GPHN: variants seen among roughly 807,000 people sequenced by gnomAD.
GPHN encodes the protein gephyrin.
A neutral mutation model predicts 95.5 loss-of-function variants in GPHN; 17 were observed. The ratio of observed to expected loss-of-function variants is 0.18; its 90% CI spans 0.12 to 0.27. GPHN has a LOEUF of 0.27. Among genes scored for constraint, GPHN ranks in the 10% least tolerant of loss-of-function variants. GPHN has a pLI of 1.00. For synonymous variants in GPHN, 320 were observed against 322.5 expected (o/e 0.99, Z 0.08); for missense variants, 660 against 978.1 (o/e 0.67, Z 4.34).
chr14:67,592,814 C>A, the GPHN span: 103 of 807,386 alleles, frequency 1.3e-4, no homozygotes, highest in African/African-American at 1.7e-3. Context: ...GAGACAGAGT[C>A]TCTCTCTGTT....
chr14:66,773,270 A>G (rs2059249560), intron 2 of GPHN, among the ~76,000 whole-genome samples: 1 of 152,194 alleles, frequency 6.6e-6, no homozygotes, highest in African/African-American at 2.4e-5. Flanking sequence ...AGTACCAGAA[A>G]TATTAGACAC....
intron 4 of GPHN, among the ~76,000 whole-genome samples, chr14:66,867,882 T>C (rs1439498960): frequency 6.6e-6 from 1 of 152,120 alleles, no homozygotes; most frequent in Non-Finnish European, 1.5e-5. Context: ...AAGTATGGTC[T>C]TCTGACCAGC....
chr14:66,725,043 T>C (rs941298188), intron 2 of GPHN, among the ~76,000 whole-genome samples: 1 of 152,166 alleles, frequency 6.6e-6, no homozygotes, highest in African/African-American at 2.4e-5. Context: ...TGGCTCTTCT[T>C]ATAGGGCCAC....
chr14:67,586,371 C>T, the GPHN span: 2 of 1,388,726 alleles, frequency 1.4e-6, no homozygotes, highest in Non-Finnish European at 1.9e-6. Context: ...TCTCAAGCCC[C>T]AGCATCATGC....
intron 2 of GPHN, among the ~76,000 whole-genome samples, chr14:66,730,938 G>A (rs1198080010): frequency 6.6e-6 from 1 of 152,148 alleles, no homozygotes; most frequent in African/African-American, 2.4e-5. Flanking sequence ...GTCAAGGGAT[G>A]GAGGTGATTG....
At chr14:66,971,938 A>C (rs544105790) in intron 9 of GPHN, among the ~76,000 whole-genome samples, 8 of 152,328 alleles carry the variant, frequency 5.3e-5, no homozygotes, top group African/African-American at 1.9e-4. Flanking sequence ...TCATAGTGGC[A>C]CATAGACATT....
chr14:66,683,300 C>A (rs1252034645), intron 2 of GPHN, among the ~76,000 whole-genome samples: 27 of 42,054 alleles, frequency 6.4e-4, no homozygotes, highest in Non-Finnish European at 1.3e-3. Context: ...TAGGTAAAAT[C>A]TTTTAGAGAA....
intron 1 of GPHN, among the ~76,000 whole-genome samples, chr14:66,543,169 C>A (rs2059414972): frequency 6.6e-6 from 1 of 151,976 alleles, no homozygotes; most frequent in East Asian, 1.9e-4. Context: ...ATCCAATCAC[C>A]CCCTACCAGG....
the GPHN span, chr14:67,642,216 G>A: frequency 1.9e-6 from 3 of 1,614,044 alleles, no homozygotes; most frequent in Non-Finnish European, 2.5e-6. Flanking sequence ...GGAGATTTGA[G>A]TTTTACTCCA....
the GPHN span, among the ~76,000 whole-genome samples, chr14:67,712,493 C>CAAAAAAAA: frequency 2.5e-3 from 97 of 38,894 alleles, no homozygotes; most frequent in East Asian, 8.2e-3. Flanking sequence ...AAAAAACTTG[C>CAAAAAAAA]AAAAAAAAAA....
chr14:67,059,832 C>A (rs1190769519), intron 11 of GPHN, among the ~76,000 whole-genome samples: 1 of 152,072 alleles, frequency 6.6e-6, no homozygotes, highest in East Asian at 1.9e-4. Context: ...ATATGCATAT[C>A]ATTAGGCTTA....
intron 21 of GPHN, among the ~76,000 whole-genome samples, chr14:67,170,994 G>C (rs745941688): frequency 1.3e-5 from 2 of 152,128 alleles, no homozygotes; most frequent in Non-Finnish European, 2.9e-5. Context: ...AGTGTTAAAT[G>C]CTGCTGTTGG....
chr14:66,926,673 T>A (rs527970422), intron 8 of GPHN, among the ~76,000 whole-genome samples: 27 of 152,356 alleles, frequency 1.8e-4, no homozygotes, highest in Non-Finnish European at 3.1e-4. Context: ...TAATTTGAAG[T>A]CAGGTAGTGT....
chr14:67,447,553 G>A, the GPHN span: 1 of 149,576 alleles, frequency 6.7e-6, no homozygotes, highest in South Asian at 2.1e-4. Context: ...AAAAGTAATA[G>A]AAAACTAGCT....
intron 3 of GPHN, among the ~76,000 whole-genome samples, chr14:66,812,637 G>A (rs1450959815): frequency 6.6e-6 from 1 of 152,180 alleles, no homozygotes; most frequent in African/African-American, 2.4e-5. Context: ...GAAAGTAGCT[G>A]AAAAGTGTTT....
At chr14:66,945,660 G>A (rs1269281511) in intron 8 of GPHN, among the ~76,000 whole-genome samples, 1 of 152,094 alleles carries the variant, frequency 6.6e-6, no homozygotes, top group Non-Finnish European at 1.5e-5. Context: ...ACAAAAGTGA[G>A]CAAAAGATTC....
chr14:66,995,825 G>GT (rs1448264027), intron 9 of GPHN, among the ~76,000 whole-genome samples: 1 of 152,182 alleles, frequency 6.6e-6, no homozygotes, highest in Non-Finnish European at 1.5e-5. Flanking sequence ...AACCTCCCAT[G>GT]TAGTTCACTA....
chr14:66,725,027 A>G (rs1406408617), intron 2 of GPHN, among the ~76,000 whole-genome samples: 1 of 152,160 alleles, frequency 6.6e-6, no homozygotes, highest in South Asian at 2.1e-4. Flanking sequence ...TGAGATCATA[A>G]AAGTGTGGCT....
the GPHN span, among the ~76,000 whole-genome samples, chr14:67,318,198 A>C: frequency 6.6e-6 from 1 of 152,242 alleles, no homozygotes; most frequent in Non-Finnish European, 1.5e-5. Flanking sequence ...TGTAATTTAT[A>C]AGGCTTTTCT....
Sources: allele counts gnomAD v4.1 joint callset (sites outside exome capture counted in the v4.1 genomes callset), GRCh38; gene constraint gnomAD v4.1.1; transcripts MANE v1.5; gene names NCBI Gene and HGNC (gene_info 2026-07-23, HGNC 2026-07-21).